The following CERKL variants were observed in gnomAD, a reference collection of about 807,000 sequenced individuals.
The protein encoded by CERKL is CERK like autophagy regulator.
Under a neutral mutation model 63.4 loss-of-function variants are expected in CERKL, and 61 were observed. The observed-to-expected ratio is 0.96, with a 90% CI of 0.78 to 1.19. The LOEUF (loss-of-function observed/expected upper bound fraction) is 1.19, where lower values mean the gene tolerates loss of function less well. Ranked by LOEUF, CERKL falls within the 50% of genes most tolerant of loss-of-function variation. The probability of loss-of-function intolerance (pLI) is 0.00; values close to 1 mark genes in which losing one functional copy is unlikely to be tolerated. For missense variants in CERKL, 675 were observed against 655.5 expected (o/e 1.03, Z -0.33); for synonymous variants, 250 against 230.5 (o/e 1.08, Z -0.77).
chr2:181,656,689 A>C, intron 1 of CERKL, 80 bp downstream of exon 1: 1 of 1,213,992 alleles, frequency 8.2e-7, no homozygotes, highest in Non-Finnish European at 1.1e-6. Context: ...GTGGAGCAAA[A>C]GCTCGTGGGT....
chr2:181,612,484 A>G (rs1373257318), intron 1 of CERKL, among the ~76,000 whole-genome samples: 1 of 152,162 alleles, frequency 6.6e-6, no homozygotes, highest in African/African-American at 2.4e-5. Context: ...CTAGAACTTC[A>G]TATAAATGTA....
At chr2:181,656,058 A>C (rs1688141685) in intron 1 of CERKL, among the ~76,000 whole-genome samples, 1 of 152,244 alleles carries the variant, frequency 6.6e-6, no homozygotes, top group Admixed American at 6.5e-5. Flanking sequence ...CTACAGCATT[A>C]TAACTTTTTT....
Position 181,544,808 on chromosome 2 carries a change from T to C in CERKL, c.1269-12A>G, listed in dbSNP as rs1687653951. On this transcript the variant is annotated splice_polypyrimidine_tract_variant and intron_variant, in intron 10 of 12. Coordinates refer to ENST00000410087, the MANE Select transcript of CERKL (RefSeq NM_201548.5). ...TTCCATTATTTAATCTGAAATTAAATATTTCTATTAGACATCAAGAAATTT... is the reference window on the plus strand; with the variant it reads ...TTCCATTATTTAATCTGAAATTAAACATTTCTATTAGACATCAAGAAATTT... 6.6e-7 allele frequency: 1 copy of C among 1,521,396 alleles called. No individual in the cohort carries two copies. The highest frequency in any genetic ancestry group is 9.1e-7 in the Non-Finnish European group (1 of 1,101,802). The allele number at this position is 1,521,396 out of a possible 1,614,324, so 94.2% of individuals were successfully genotyped here. A position where few individuals can be genotyped will look rare whatever the true frequency, so the allele number is the denominator to read the frequency against.
intron 2 of CERKL, among the ~76,000 whole-genome samples, chr2:181,586,915 T>C (rs1054244281): frequency 6.6e-6 from 1 of 152,196 alleles, no homozygotes; most frequent in African/African-American, 2.4e-5. Flanking sequence ...CTCTTGTGTA[T>C]ATTCACCACT....
intron 2 of CERKL, among the ~76,000 whole-genome samples, chr2:181,583,773 C>T (rs1166616859): frequency 5.3e-5 from 8 of 152,038 alleles, no homozygotes; most frequent in Non-Finnish European, 1.0e-4. Context: ...GAGAATAAAA[C>T]ATACGAAAAA....
At chr2:181,548,892 CAGT>C (rs1323588840) in intron 6 of CERKL, 35 bp from the exon 7 acceptor site, 2 of 1,578,904 alleles carry the variant, frequency 1.3e-6, no homozygotes, top group African/African-American at 2.7e-5. Flanking sequence ...TCAGTGAGTA[CAGT>C]AGGACTTGTA....
intron 3 of CERKL, among the ~76,000 whole-genome samples, chr2:181,570,371 A>G (rs1041561813): frequency 1.3e-5 from 2 of 152,164 alleles, no homozygotes; most frequent in African/African-American, 2.4e-5. Context: ...TTTTCACTCT[A>G]TTGTACTATG....
rs1322347723 is a variant in CERKL, at chr2:181,537,433, AC to A, written c.*750del. On this transcript the variant is annotated 3_prime_UTR_variant, in exon 13 of 13. Transcript: ENST00000410087. ...GTATTTGTTATCAACTTACTTTGTT[AC>A]TTGTATCATGAATTTTAAAACCCTA... 2.2e-6 allele frequency: 1 copy of A among 453,926 alleles called. No homozygotes were observed. Among genetic ancestry groups the A allele is most frequent in the South Asian group, 1.6e-5 (1 of 64,460 alleles). The allele number at this position is 453,926 out of a possible 1,614,324, so 28.1% of individuals were successfully genotyped here. A position where few individuals can be genotyped will look rare whatever the true frequency, so the allele number is the denominator to read the frequency against.
intron 1 of CERKL, among the ~76,000 whole-genome samples, chr2:181,652,976 T>C (rs1688003633): frequency 6.6e-6 from 1 of 152,214 alleles, no homozygotes; most frequent in African/African-American, 2.4e-5. Flanking sequence ...GGTTTCATCA[T>C]GTTGGCTAGG....
chr2:181,536,746 T>TA lies in CERKL; in HGVS notation c.*1437_*1438insT. ...TTCTATTTTAAATGACTTTCTGGATTTTAAAAAATTTCTTTAAATACAATC... is the reference window on the plus strand; with the variant it reads ...TTCTATTTTAAATGACTTTCTGGATTATTAAAAAATTTCTTTAAATACAATC... On this transcript the variant is annotated 3_prime_UTR_variant, in exon 13 of 13. Coordinates refer to ENST00000410087, the MANE Select transcript of CERKL (RefSeq NM_201548.5). The TA allele has an allele frequency of 4.0e-6, 1 of 248,506 alleles. No homozygotes were observed. Among genetic ancestry groups the TA allele is most frequent in the Non-Finnish European group, 8.1e-6 (1 of 123,598 alleles). 15.4% of individuals were successfully genotyped at this position (248,506 alleles called of 1,614,324 possible).
At chr2:181,639,384 T>G (rs1430695477) in intron 1 of CERKL, among the ~76,000 whole-genome samples, 1 of 152,168 alleles carries the variant, frequency 6.6e-6, no homozygotes, top group East Asian at 1.9e-4. Flanking sequence ...GAGGACTTAT[T>G]ACATAATTAT....
intron 4 of CERKL, among the ~76,000 whole-genome samples, chr2:181,562,067 G>A (rs1213657276): frequency 6.6e-6 from 1 of 152,066 alleles, no homozygotes; most frequent in Admixed American, 6.6e-5. Context: ...CCCCTCTTCA[G>A]CCTTCTAAAG....
At chr2:181,549,544 T>C in intron 6 of CERKL, 90 bp downstream of exon 6, 1 of 1,063,792 alleles carries the variant, frequency 9.4e-7, no homozygotes, top group South Asian at 1.3e-5. Flanking sequence ...GAACCTGCCT[T>C]TTCTTAAAGT....
chr2:181,622,946 C>G (rs1429107244), intron 1 of CERKL, among the ~76,000 whole-genome samples: 2 of 152,150 alleles, frequency 1.3e-5, no homozygotes, highest in African/African-American at 2.4e-5. Flanking sequence ...CCTGCTCATG[C>G]CTAACTTTCT....
At chr2:181,618,507 C>T (rs1446357342) in intron 1 of CERKL, among the ~76,000 whole-genome samples, 2 of 151,872 alleles carry the variant, frequency 1.3e-5, no homozygotes, top group Non-Finnish European at 1.5e-5. Flanking sequence ...ACCTCCATCT[C>T]CCTGGGTTCA....
At chr2:181,551,764 C>T (rs1162952431) in intron 5 of CERKL, among the ~76,000 whole-genome samples, 1 of 152,082 alleles carries the variant, frequency 6.6e-6, no homozygotes, top group Non-Finnish European at 1.5e-5. Flanking sequence ...ATCTTATACA[C>T]ATAGCCTGAA....
intron 2 of CERKL, among the ~76,000 whole-genome samples, chr2:181,599,604 C>A (rs1201491527): frequency 6.6e-6 from 1 of 151,114 alleles, no homozygotes; most frequent in Non-Finnish European, 1.5e-5. Flanking sequence ...AAGCAGAAGA[C>A]AAGATTTCAG....
At chr2:181,633,608 T>G (rs560742764) in intron 1 of CERKL, among the ~76,000 whole-genome samples, 293 of 152,276 alleles carry the variant, frequency 1.9e-3, no homozygotes, top group African/African-American at 6.8e-3. Flanking sequence ...ATATTGTTTT[T>G]GAATAAATAG....
intron 3 of CERKL, 92 bp from the exon 4 acceptor site, chr2:181,566,213 A>C (rs1475984944): frequency 3.3e-6 from 3 of 921,992 alleles, no homozygotes; most frequent in African/African-American, 1.6e-5. Context: ...TATGATAAAC[A>C]TATGGTCAAG....
Sources: gnomAD v4.1 joint callset for allele counts (sites outside exome capture counted in the v4.1 genomes callset) on GRCh38, gnomAD v4.1.1 for gene constraint, MANE v1.5 for transcripts, NCBI Gene and HGNC (gene_info 2026-07-23, HGNC 2026-07-21) for gene names.